The following CMC1 variants were observed in gnomAD, a reference collection of about 807,000 sequenced individuals.
CMC1 encodes C-X9-C motif containing 1, also known as COX assembly mitochondrial protein homolog.
Under a neutral mutation model 14.1 loss-of-function variants are expected in CMC1, and 14 were observed. The ratio of observed to expected loss-of-function variants is 0.99; its 90% confidence interval spans 0.66 to 1.55. The LOEUF is 1.55. Among genes scored for constraint, CMC1 ranks in the 40% most tolerant of loss-of-function variants. CMC1 has a pLI of 0.00. For missense variants in CMC1, 127 were observed against 123.8 expected, an observed-to-expected ratio of 1.03 and a Z score of -0.12; for synonymous variants, 50 against 38.4, an observed-to-expected ratio of 1.30 and a Z score of -1.12.
chr3:28,243,470 C>T (rs1698643151), intron 1 of CMC1, among the ~76,000 whole-genome samples: 1 of 152,126 alleles, frequency 6.6e-6, no homozygotes, highest in South Asian at 2.1e-4. Context: ...TGAATTTAGA[C>T]AAGGAAATTT....
chr3:28,307,155 G>A (rs527468656), intron 2 of CMC1, among the ~76,000 whole-genome samples: 19 of 152,190 alleles, frequency 1.2e-4, no homozygotes, highest in South Asian at 6.2e-4. Context: ...AGAGTACTGC[G>A]TTGCCCTGTT....
intron 2 of CMC1, among the ~76,000 whole-genome samples, chr3:28,272,669 T>C (rs1278696613): frequency 6.6e-6 from 1 of 151,914 alleles, no homozygotes; most frequent in East Asian, 1.9e-4. Flanking sequence ...AGGGATATTG[T>C]CTTGAAGTTT....
intron 2 of CMC1, among the ~76,000 whole-genome samples, chr3:28,309,820 ACCACACAC>A (rs1702530298): frequency 1.0e-5 from 1 of 95,712 alleles, no homozygotes. Flanking sequence ...GCTGATATTT[ACCACACAC>A]ACACACACAC....
intron 1 of CMC1, 58 bp downstream of exon 1, chr3:28,241,870 G>T (rs1698536727): frequency 8.1e-7 from 1 of 1,233,460 alleles, no homozygotes. Flanking sequence ...TCACGCCGCG[G>T]GCCATGCGGG....
intron 2 of CMC1, among the ~76,000 whole-genome samples, chr3:28,266,957 C>T (rs1298302242): frequency 1.3e-5 from 2 of 152,110 alleles, no homozygotes; most frequent in African/African-American, 2.4e-5. Flanking sequence ...ATGGCCAAAT[C>T]GCTTTCTTAC....
At chr3:28,242,251 A>C (rs950118020) in intron 1 of CMC1, among the ~76,000 whole-genome samples, 1 of 152,194 alleles carries the variant, frequency 6.6e-6, no homozygotes, top group East Asian at 1.9e-4. Flanking sequence ...ATTTCAAAGG[A>C]TCCATCACTA....
At chr3:28,270,550 G>T (rs576026891) in intron 2 of CMC1, among the ~76,000 whole-genome samples, 11 of 151,708 alleles carry the variant, frequency 7.3e-5, no homozygotes, top group African/African-American at 2.7e-4. Context: ...TAGCATAAAG[G>T]TCTTGAAAAG....
chr3:28,294,377 T>C (rs914087963), intron 2 of CMC1: 2 of 337,832 alleles, frequency 5.9e-6, no homozygotes, highest in Non-Finnish European at 8.4e-6. Context: ...TAGCAAAATT[T>C]GGGGGTAGTA....
chr3:28,258,782 G>T (rs1699570113), intron 1 of CMC1, among the ~76,000 whole-genome samples: 1 of 151,660 alleles, frequency 6.6e-6, no homozygotes, highest in South Asian at 2.1e-4. Flanking sequence ...ACCAAGTCCG[G>T]GTCATTTTTT....
chr3:28,274,624 G>A (rs1408254357), intron 2 of CMC1, among the ~76,000 whole-genome samples: 2 of 152,010 alleles, frequency 1.3e-5, no homozygotes, highest in Non-Finnish European at 2.9e-5. Flanking sequence ...TCTTACTGGG[G>A]TTCTCTGAAT....
chr3:28,297,692 CA>C (rs1250151513), intron 2 of CMC1, among the ~76,000 whole-genome samples: 1 of 152,030 alleles, frequency 6.6e-6, no homozygotes, highest in Non-Finnish European at 1.5e-5. Context: ...TGGCTATTTA[CA>C]ATTGTGAGAT....
chr3:28,255,457 G>T (rs1699348523), intron 1 of CMC1, among the ~76,000 whole-genome samples: 1 of 151,826 alleles, frequency 6.6e-6, no homozygotes, highest in Non-Finnish European at 1.5e-5. Context: ...TATTGGCCAG[G>T]CTGGTCTTGA....
intron 1 of CMC1, among the ~76,000 whole-genome samples, chr3:28,248,420 C>G (rs930687234): frequency 1.3e-5 from 2 of 152,132 alleles, no homozygotes; most frequent in Admixed American, 6.5e-5. Context: ...TTGTCATTAA[C>G]CTGTCCTTAA....
chr3:28,289,208 A>C (rs2125543022), intron 2 of CMC1, among the ~76,000 whole-genome samples: 1 of 151,992 alleles, frequency 6.6e-6, no homozygotes, highest in African/African-American at 2.4e-5. Flanking sequence ...GTGCTCTAAA[A>C]ATTCTGAAAG....
rs137919681 is a variant in CMC1, at chr3:28,298,704, G to T, written c.110-17629G>T. On this transcript the variant is annotated intron_variant, in intron 2 of 3. Coordinates refer to ENST00000466830, the MANE Select transcript of CMC1 (RefSeq NM_182523.2). ...CTCTTCTTTATCTTAAATTTGAAGA[G>T]AATTAAGAAATAAAAGAGGAGGAAC... Among the ~76,000 whole-genome samples the T allele has an allele frequency of 2.6e-4, 39 of 151,976 alleles. 2 individuals are homozygous for T. In the East Asian group the frequency reaches 7.5e-3, roughly 29 times the overall value.
chr3:28,302,401 CTA>C (rs1200065162), intron 2 of CMC1, among the ~76,000 whole-genome samples: 21 of 151,968 alleles, frequency 1.4e-4, no homozygotes, highest in Admixed American at 1.2e-3. Context: ...ACATTGGAGA[CTA>C]TGTGGGACAG....
intron 1 of CMC1, among the ~76,000 whole-genome samples, chr3:28,243,699 C>A (rs184876898): frequency 6.6e-6 from 1 of 152,266 alleles, no homozygotes; most frequent in East Asian, 1.9e-4. Context: ...TGGTATATGT[C>A]CCATATTGTT....
At chr3:28,292,953 G>A (rs981742263) in intron 2 of CMC1, 1 of 152,074 alleles carries the variant, frequency 6.6e-6, no homozygotes, top group African/African-American at 2.4e-5. Flanking sequence ...GTAGGAATTC[G>A]CATGTATCCA....
chr3:28,311,793 A>G (rs1188682744), intron 2 of CMC1, among the ~76,000 whole-genome samples: 1 of 152,216 alleles, frequency 6.6e-6, no homozygotes, highest in Non-Finnish European at 1.5e-5. Context: ...AAAACTGCAG[A>G]CACCTTTGTC....
Sources: gnomAD v4.1 joint callset for allele counts (sites outside exome capture counted in the v4.1 genomes callset) on GRCh38, gnomAD v4.1.1 for gene constraint, MANE v1.5 for transcripts, NCBI Gene and HGNC (gene_info 2026-07-23, HGNC 2026-07-21) for gene names.